USP49: variants seen among roughly 807,000 people sequenced by gnomAD.
USP49 encodes ubiquitin carboxyl-terminal hydrolase 49.
USP49 carries 24 observed loss-of-function variants against 58.6 expected under a neutral mutation model. The ratio of observed to expected loss-of-function variants is 0.41; its 90% CI spans 0.30 to 0.58. USP49 has a LOEUF of 0.58. Ranked by LOEUF, USP49 falls within the 20% of genes least tolerant of loss-of-function variation. USP49 has a pLI of 0.30. For synonymous variants in USP49, 408 were observed against 365.1 expected (o/e 1.12, Z -1.34); for missense variants, 703 against 866.1 (o/e 0.81, Z 2.36).
chr6:41,866,548 C>T (rs1774322530), intron 3 of USP49, among the ~76,000 whole-genome samples: 1 of 152,174 alleles, frequency 6.6e-6, no homozygotes, highest in African/African-American at 2.4e-5. Flanking sequence ...GAGTTTGGTA[C>T]ATATCAGTGG....
At chr6:41,832,769 T>C (rs992363629) in intron 3 of USP49, 4 of 152,178 alleles carry the variant, frequency 2.6e-5, no homozygotes, top group African/African-American at 4.8e-5. Flanking sequence ...CAAAACAAGA[T>C]TAGGCAACAT....
intron 3 of USP49, among the ~76,000 whole-genome samples, chr6:41,864,544 CAG>C (rs1168586676): frequency 6.6e-6 from 1 of 152,174 alleles, no homozygotes; most frequent in Non-Finnish European, 1.5e-5. Flanking sequence ...GCCTCGGCGA[CAG>C]AGTGAGACTC....
chr6:41,872,379 C>T (rs926014643), intron 2 of USP49, among the ~76,000 whole-genome samples: 25 of 151,318 alleles, frequency 1.7e-4, no homozygotes, highest in Non-Finnish European at 2.7e-4. Context: ...GGGCGTCCGC[C>T]GCCCCATCTG....
At chr6:41,857,062 C>T (rs1282022950) in intron 3 of USP49, among the ~76,000 whole-genome samples, 2 of 152,072 alleles carry the variant, frequency 1.3e-5, no homozygotes, top group African/African-American at 4.8e-5. Context: ...AAATCAAGGA[C>T]CAGTGTGTGC....
chr6:41,868,333 T>A (rs148943831), intron 3 of USP49, among the ~76,000 whole-genome samples: 2,511 of 152,268 alleles, frequency 0.016, 54 homozygotes, highest in African/African-American at 0.05. Flanking sequence ...TATTTATTTA[T>A]TTAATTTATT....
chr6:41,836,857 GCACACA>G (rs149924359), intron 3 of USP49, among the ~76,000 whole-genome samples: 2 of 146,612 alleles, frequency 1.4e-5, no homozygotes, highest in African/African-American at 2.5e-5. Context: ...ACACACACAC[GCACACA>G]CACACACACA....
rs1773100744 is a variant in USP49, at chr6:41,805,667, C to T, written c.1317G>A (p.Lys439=). The T allele has an allele frequency of 4.3e-6, 7 of 1,614,168 alleles. No homozygotes were observed. The highest frequency in any genetic ancestry group is 5.9e-6 in the Non-Finnish European group (7 of 1,180,018). ...GCCCATGAAATATGGTATTCACCAC[C>T]TTTAAGACCTGTTTGGTGAGCTTCC... ...SQRKLTKQVL[K]VVNTIFHGQL... is the part of the protein sequence containing the mutation. The change falls in exon 4 of 8, where the codon AAG becomes AAA. Residue 439 remains lysine, a synonymous_variant. Transcript: ENST00000682992.
At position 41,796,664 on chromosome 6, in the gene USP49, T is replaced by G; in HGVS notation, c.1936A>C (p.Lys646Gln). The change falls in exon 8 of 8, where the codon AAA becomes CAA. Residue 646 changes from lysine (K) to glutamine (Q), a missense_variant. Lys to Gln is a moderately conservative substitution (Grantham distance 53). This residue lies in a region of USP49 where 158 missense variants were observed against 241.2 expected (regional missense o/e 0.66). Transcript: ENST00000682992. ...TAAAAAAGGATGTAGGCCTGGGTTT[T>G]GCACACTTCCTCGACACTGCATACA... ...LNVCSVEEVC[K>Q]TQAYILFYTQ... The G allele has an allele frequency of 4.2e-6, 3 of 717,548 alleles. No homozygotes were observed. Among genetic ancestry groups the G allele is most frequent in the Non-Finnish European group, 7.8e-6 (3 of 385,118 alleles). The allele number at this position is 717,548 out of a possible 1,614,324, so 44.4% of individuals were successfully genotyped here.
chr6:41,839,404 CAAAAAAAA>C (rs538220746), intron 3 of USP49, among the ~76,000 whole-genome samples: 4 of 22,234 alleles, frequency 1.8e-4, no homozygotes, highest in Non-Finnish European at 3.4e-4. Context: ...GGCCTTGTCT[CAAAAAAAA>C]AAAAAAAAAA....
At chr6:41,823,200 A>G (rs1201536645) in intron 3 of USP49, among the ~76,000 whole-genome samples, 7 of 152,224 alleles carry the variant, frequency 4.6e-5, no homozygotes, top group Non-Finnish European at 2.9e-5. Context: ...GTGACAGCAC[A>G]TGCTTTGTGG....
chr6:41,803,847 T>G lies in USP49; in HGVS notation c.1520A>C (p.Glu507Ala). The G allele has an allele frequency of 6.2e-7, 1 of 1,614,186 alleles. No homozygotes were observed. The highest frequency in any genetic ancestry group is 8.5e-7 in the Non-Finnish European group (1 of 1,180,028). Residue 507 changes from glutamate (E) to alanine (A), a missense_variant, in exon 5 of 8, where the codon GAG (glutamate) becomes GCG (alanine). This residue lies in a region of USP49 where 158 missense variants were observed against 241.2 expected (regional missense o/e 0.66). Coordinates refer to ENST00000682992, the MANE Select transcript of USP49 (RefSeq NM_001286554.2). The surrounding 1 kb of genome is among the most constrained non-coding windows in gnomAD (Gnocchi z 4.1). ...TEMLAKFTET[E>A]ALEGRIYACD... ...AGCGTAGATTCTCCCTTCCAGGGCC[T>G]CTGTCTCTGTGAATTTGGCCAGCAT... is the stretch of plus-strand genomic sequence containing the variant.
chr6:41,817,150 C>CTTTGTTTTTTTTTTTTTT, intron 3 of USP49, among the ~76,000 whole-genome samples: 1 of 104,340 alleles, frequency 9.6e-6, no homozygotes, highest in Non-Finnish European at 1.8e-5. Flanking sequence ...CCCACGCATG[C>CTTTGTTTTTTTTTTTTTT]TTTTTTTTTT....
intron 3 of USP49, among the ~76,000 whole-genome samples, chr6:41,867,645 G>A (rs180697454): frequency 1.4e-3 from 216 of 150,994 alleles, no homozygotes; most frequent in African/African-American, 5.1e-3. Context: ...CTAGCTACTC[G>A]GGAGGCAGAG....
At chr6:41,894,986 T>A (rs1387412197) in intron 1 of USP49, among the ~76,000 whole-genome samples, 2 of 150,070 alleles carry the variant, frequency 1.3e-5, no homozygotes, top group Non-Finnish European at 3.0e-5. Flanking sequence ...CCCGCCAAAA[T>A]AAGGCGCCCG....
At position 41,850,170 on chromosome 6, in the gene USP49, C is replaced by T. The variant is rs567446573; in HGVS notation, c.-29+21394G>A. Among the ~76,000 whole-genome samples, 16 of 152,070 alleles carry T rather than the reference C, an allele frequency of 1.1e-4. No individual in the cohort carries two copies. The East Asian group carries it at 2.9e-3, about 28-fold the overall frequency. Reference sequence around the variant, plus strand: ...TTAAAAAAGAAGAAAGGTCCAGGTGCGGTGGCTCATGCCCGTAATCTCAGC... The same window carrying T: ...TTAAAAAAGAAGAAAGGTCCAGGTGTGGTGGCTCATGCCCGTAATCTCAGC... On this transcript the variant is annotated intron_variant, in intron 3 of 7. Coordinates refer to ENST00000682992, the MANE Select transcript of USP49 (RefSeq NM_001286554.2).
rs562862674 is a variant in USP49, at chr6:41,794,192, C to T, written c.*2341G>A. The T allele has an allele frequency of 1.3e-5, 2 of 152,400 alleles. No individual in the cohort carries two copies. The highest frequency in any genetic ancestry group is 4.1e-4 in the South Asian group (2 of 4,822). The allele number at this position is 152,400 out of a possible 1,614,324, so 9.4% of individuals were successfully genotyped here. A position where few individuals can be genotyped will look rare whatever the true frequency, so the allele number is the denominator to read the frequency against. On this transcript the variant is annotated 3_prime_UTR_variant, in exon 8 of 8. Transcript: ENST00000682992. The stretch of plus-strand genomic sequence containing the variant: ...GAGGTGTCTGTAACTGCAGTGGGCA[C>T]CTTTCACAAATGTGTAGCTCAGTGG...
intron 3 of USP49, among the ~76,000 whole-genome samples, chr6:41,849,898 C>G (rs1773993202): frequency 6.6e-6 from 1 of 152,054 alleles, no homozygotes; most frequent in African/African-American, 2.4e-5. Context: ...AGCCACTGTG[C>G]CCGGCACAAA....
intron 3 of USP49, among the ~76,000 whole-genome samples, chr6:41,862,974 G>A (rs867008977): frequency 1.3e-5 from 2 of 151,804 alleles, no homozygotes; most frequent in East Asian, 1.9e-4. Context: ...ATGGGGTTTC[G>A]CCAGGTTGGC....
chr6:41,836,829 T>A (rs1314526259), intron 3 of USP49, among the ~76,000 whole-genome samples: 1 of 151,372 alleles, frequency 6.6e-6, no homozygotes. Context: ...ATGAAGAGTA[T>A]GATCTCATTC....
Sources: gnomAD v4.1 joint callset for allele counts (sites outside exome capture counted in the v4.1 genomes callset) on GRCh38, gnomAD v4.1.1 for gene constraint, gnomAD v4.1.1 regional missense constraint, Gnocchi (gnomAD v3.1) non-coding constraint, MANE v1.5 for transcripts, NCBI Gene and HGNC (gene_info 2026-07-23, HGNC 2026-07-21) for gene names.